Variants in MX1 observed in about 807,000 individuals in gnomAD.
The protein encoded by MX1 is MX dynamin like GTPase 1, also known as interferon-induced GTP-binding protein Mx1.
Under a neutral mutation model 66.4 loss-of-function variants are expected in MX1, and 66 were observed. That is an observed-to-expected ratio of 0.99 (90% CI 0.82 to 1.22). The LOEUF (loss-of-function observed/expected upper bound fraction) is 1.22. Among genes scored for constraint, MX1 ranks in the 50% most tolerant of loss-of-function variants. The pLI, the probability that MX1 is intolerant of heterozygous loss-of-function variation, is 0.00. For synonymous variants in MX1, 311 were observed against 318.1 expected, an observed-to-expected ratio of 0.98 and a Z score of 0.24; for missense variants, 787 against 834.3, an observed-to-expected ratio of 0.94 and a Z score of 0.70.
At chr21:41,438,713 A>C (rs1179370829) in intron 7 of MX1, among the ~76,000 whole-genome samples, 2 of 152,200 alleles carry the variant, frequency 1.3e-5, no homozygotes, top group African/African-American at 4.8e-5. Context: ...GATGGAAGGG[A>C]ATGTGGATGC....
At chr21:41,426,707 G>A (rs918480669) in intron 1 of MX1, 3 of 152,282 alleles carry the variant, frequency 2.0e-5, no homozygotes, top group African/African-American at 7.2e-5. Context: ...CTGGGAACGC[G>A]CGAAAGCAAA....
Position 41,439,793 on chromosome 21 carries a change from T to C in MX1, c.536T>C (p.Leu179Pro). The C allele has an allele frequency of 6.2e-7, 1 of 1,614,074 alleles. No homozygotes were observed. Among genetic ancestry groups the C allele is most frequent in the South Asian group, 1.1e-5 (1 of 91,064 alleles). The change falls in exon 8 of 17, where the codon CTT becomes CCT. Residue 179 changes from leucine to proline, a missense_variant. Transcript: ENST00000398598. ...RDVPDLTLID[L>P]PGITRVAVGN... ...GTCCCGGATCTGACTCTAATAGACC[T>C]TCCTGGCATAACCAGAGTGGCTGTG...
intron 14 of MX1, among the ~76,000 whole-genome samples, chr21:41,450,146 C>T (rs182813773): frequency 1.2e-4 from 19 of 152,340 alleles, no homozygotes; most frequent in Admixed American, 8.5e-4. Context: ...CACTCAAAAT[C>T]GGCTGTTTAT....
At chr21:41,452,326 GAGAA>G (rs1006301369) in intron 15 of MX1, among the ~76,000 whole-genome samples, 7 of 152,236 alleles carry the variant, frequency 4.6e-5, no homozygotes, top group African/African-American at 1.7e-4. Flanking sequence ...GCCCCTAAAA[GAGAA>G]AGGAAAGAAG....
intron 16 of MX1, among the ~76,000 whole-genome samples, chr21:41,453,179 G>C (rs559472135): frequency 9.8e-5 from 15 of 152,340 alleles, no homozygotes; most frequent in African/African-American, 2.9e-4. Context: ...TGAGAGCCAA[G>C]TGAAAGGGGT....
chr21:41,441,716 GA>G lies in MX1; in HGVS notation c.733del (p.Ile245SerfsTer2). 1 of 1,614,144 alleles carries G rather than the reference GA, an allele frequency of 6.2e-7. No individual in the cohort carries two copies. Among genetic ancestry groups the G allele is most frequent in the Non-Finnish European group, 8.5e-7 (1 of 1,180,012 alleles). ...CTCCCCAAATACATCTGGCTCGCAG[GA>G]ATCTTGACGAAGCCTGATCTGGTGG... is the stretch of plus-strand genomic sequence containing the variant. ...EVDPEGDRTI[G>X]ILTKPDLVDK... On this transcript the variant is annotated frameshift_variant and splice_region_variant, in exon 10 of 17. Transcript: ENST00000398598. LOFTEE classifies it high-confidence loss of function. This position sits in a 1 kb window ranked among gnomAD's most constrained non-coding sequence, Gnocchi z 4.0.
chr21:41,423,848 G>A (rs1044217406), upstream of MX1, among the ~76,000 whole-genome samples: 9 of 152,208 alleles, frequency 5.9e-5, no homozygotes, highest in African/African-American at 1.7e-4. Context: ...TGCCTAGGGC[G>A]TTAAAACTTA....
Position 41,445,555 on chromosome 21 carries a change from G to C in MX1, c.1116G>C (p.Met372Ile). The change falls in exon 12 of 17, where the codon ATG becomes ATC. Residue 372 changes from methionine (M) to isoleucine (I), a missense_variant. Physicochemically the swap from Met to Ile is conservative, Grantham distance 10. Coordinates refer to ENST00000398598, the MANE Select transcript of MX1 (RefSeq NM_002462.5). ...TACCGGAAGACGAAAATGAAAAAAT[G>C]TTCTTCCTGATAGATGTGAGTGTTG... is the stretch of plus-strand genomic sequence containing the variant. ...VDIPEDENEK[M>I]FFLIDKVNAF... The C allele has an allele frequency of 6.2e-7, 1 of 1,614,136 alleles. No homozygotes were observed. The highest frequency in any genetic ancestry group is 1.1e-5 in the South Asian group (1 of 91,078).
At chr21:41,424,662 G>A (rs1386496807), upstream of MX1, among the ~76,000 whole-genome samples, 1 of 152,190 alleles carries the variant, frequency 6.6e-6, no homozygotes, top group Non-Finnish European at 1.5e-5. Context: ...GCCGAGAATG[G>A]GAGCTCCCAA....
intron 5 of MX1, among the ~76,000 whole-genome samples, chr21:41,434,607 G>T (rs577653133): frequency 9.9e-5 from 15 of 151,808 alleles, no homozygotes; most frequent in South Asian, 2.1e-4. Context: ...ATAACTCTTG[G>T]TGTTTTTAGT....
At chr21:41,442,950 GGA>G (rs1401502809) in intron 10 of MX1, among the ~76,000 whole-genome samples, 3 of 152,338 alleles carry the variant, frequency 2.0e-5, no homozygotes, top group East Asian at 1.9e-4. Context: ...CCAGGGGCTG[GGA>G]GAGAGAGAAT....
Position 41,459,026 on chromosome 21 carries a change from G to C in MX1, c.*268G>C. 2 of 565,332 alleles carry C rather than the reference G, an allele frequency of 3.5e-6. No homozygotes were observed. The highest frequency in any genetic ancestry group is 2.9e-5 in the East Asian group (1 of 33,926). 35.0% of individuals were successfully genotyped at this position (565,332 alleles called of 1,614,324 possible). A position where few individuals can be genotyped will look rare whatever the true frequency, so the allele number is the denominator to read the frequency against. On this transcript the variant is annotated 3_prime_UTR_variant, in exon 17 of 17. Coordinates refer to ENST00000398598, the MANE Select transcript of MX1 (RefSeq NM_002462.5). ...AAAGGGATTTTCAGCCCTCAGAATC[G>C]CTCCACCTTGCAGCTCTCCCCTTCT...
At chr21:41,456,092 A>T (rs2090951499) in intron 16 of MX1, among the ~76,000 whole-genome samples, 1 of 152,174 alleles carries the variant, frequency 6.6e-6, no homozygotes, top group South Asian at 2.1e-4. Flanking sequence ...AAATACAAAA[A>T]AATTAGCTGT....
intron 14 of MX1, 27 bp downstream of exon 14, chr21:41,449,322 A>T (rs2090759736): frequency 1.3e-6 from 2 of 1,587,556 alleles, no homozygotes; most frequent in Admixed American, 3.7e-5. Flanking sequence ...ACCTCTGAGC[A>T]TTGATTTCTA....
intron 15 of MX1, among the ~76,000 whole-genome samples, chr21:41,451,557 G>A (rs559342797): frequency 1.3e-5 from 2 of 152,280 alleles, no homozygotes; most frequent in East Asian, 1.9e-4. Context: ...TTTCTGGCCC[G>A]AGTGGGCATG....
chr21:41,445,766 G>A, intron 12 of MX1, 196 bp downstream of exon 12: 1 of 843,818 alleles, frequency 1.2e-6, no homozygotes, highest in Non-Finnish European at 1.8e-6. Context: ...AGCAGCGAGG[G>A]ATGCTCAGGC....
chr21:41,436,162 C>T, intron 6 of MX1, 133 bp downstream of exon 6: 1 of 1,060,672 alleles, frequency 9.4e-7, no homozygotes, highest in Non-Finnish European at 1.3e-6. Context: ...GGTTTAGCTT[C>T]TCCTGAGGCC....
At chr21:41,422,118 G>T (rs2090000044), upstream of MX1, 1 of 152,198 alleles carries the variant, frequency 6.6e-6, no homozygotes, top group African/African-American at 2.4e-5. Context: ...AAGTCACAGG[G>T]TGAGATAGGA....
chr21:41,449,719 A>G (rs363976), intron 14 of MX1: 60,132 of 154,440 alleles, frequency 0.39, 14,833 homozygotes, highest in Non-Finnish European at 0.56. Flanking sequence ...GGCACATAGT[A>G]GGGGCCTGAA....
Sources: gnomAD v4.1 joint callset for allele counts (sites outside exome capture counted in the v4.1 genomes callset) on GRCh38, gnomAD v4.1.1 for gene constraint, Gnocchi (gnomAD v3.1) non-coding constraint, MANE v1.5 for transcripts, NCBI Gene and HGNC (gene_info 2026-07-23, HGNC 2026-07-21) for gene names.